ACAD11: variants seen among roughly 807,000 people sequenced by gnomAD.
The protein encoded by ACAD11 is acyl-CoA dehydrogenase family member 11, also known as acyl-Coenzyme A dehydrogenase family, member 11.
Under a neutral mutation model 102.2 loss-of-function variants are expected in ACAD11, and 83 were observed. That is an observed-to-expected ratio of 0.81 (90% CI 0.68 to 0.97). The LOEUF is 0.97. ACAD11 is among the 50% of genes least tolerant of loss of function. The pLI is 0.00. For missense variants in ACAD11, 901 were observed against 951.7 expected (o/e 0.95, Z 0.70); for synonymous variants, 324 against 319.8 (o/e 1.01, Z -0.14).
intron 15 of ACAD11, among the ~76,000 whole-genome samples, chr3:132,577,387 G>C (rs1417061480): frequency 6.6e-6 from 1 of 152,136 alleles, no homozygotes; most frequent in Admixed American, 6.5e-5. Context: ...ATGGAAAAAA[G>C]TTTCAATGTT....
intron 1 of ACAD11, chr3:132,654,599 T>A (rs1009492260): frequency 1.5e-4 from 23 of 152,246 alleles, no homozygotes; most frequent in African/African-American, 5.5e-4. Context: ...TCTCTGCCCA[T>A]GAGAACTCTG....
intron 11 of ACAD11, among the ~76,000 whole-genome samples, chr3:132,609,160 T>A (rs1938996742): frequency 2.0e-5 from 3 of 152,250 alleles, no homozygotes; most frequent in Non-Finnish European, 4.4e-5. Context: ...AGGGAAATTT[T>A]TAGCACTAAA....
intron 1 of ACAD11, among the ~76,000 whole-genome samples, chr3:132,654,129 A>T (rs561708857): frequency 6.6e-6 from 1 of 152,326 alleles, no homozygotes; most frequent in East Asian, 1.9e-4. Context: ...TCAGTTACCA[A>T]GGCAGAAATG....
intron 13 of ACAD11, among the ~76,000 whole-genome samples, chr3:132,599,996 A>T (rs1938496186): frequency 6.6e-6 from 1 of 152,192 alleles, no homozygotes; most frequent in South Asian, 2.1e-4. Context: ...ACGATTCACA[A>T]AATTATGTAT....
At chr3:132,586,234 C>T (rs1015567443) in intron 13 of ACAD11, among the ~76,000 whole-genome samples, 7 of 151,996 alleles carry the variant, frequency 4.6e-5, no homozygotes, top group Non-Finnish European at 8.8e-5. Flanking sequence ...AGCAAACTAT[C>T]GCAAGGACAA....
At position 132,642,612 on chromosome 3, in the gene ACAD11, A is replaced by G; in HGVS notation, c.375+65T>C. On this transcript the variant is annotated intron_variant, in intron 3 of 19. Coordinates refer to ENST00000264990, the MANE Select transcript of ACAD11 (RefSeq NM_032169.5). ...ATATCATTTATTAAGTATCATAATA[A>G]AACATCTTAATTAACTTCATAATTA... is the stretch of plus-strand genomic sequence containing the variant. 4 of 1,468,022 alleles carry G rather than the reference A, an allele frequency of 2.7e-6. No individual in the cohort carries two copies. The South Asian group carries it at 5.1e-5, about 19-fold the overall frequency. The allele number at this position is 1,468,022 out of a possible 1,614,324, so 90.9% of individuals were successfully genotyped here. A position where few individuals can be genotyped will look rare whatever the true frequency, so the allele number is the denominator to read the frequency against.
At chr3:132,611,461 A>C (rs1371165513) in intron 11 of ACAD11, among the ~76,000 whole-genome samples, 1 of 152,180 alleles carries the variant, frequency 6.6e-6, no homozygotes, top group African/African-American at 2.4e-5. Flanking sequence ...ACATGAGTAT[A>C]TATCTAGAAA....
chr3:132,592,737 T>G, intron 13 of ACAD11, among the ~76,000 whole-genome samples: 1 of 152,302 alleles, frequency 6.6e-6, no homozygotes, highest in Middle Eastern at 3.4e-3. Flanking sequence ...CTTCATTTGG[T>G]TTTAGCTTTA....
At chr3:132,627,728 T>C (rs570050571) in intron 8 of ACAD11, among the ~76,000 whole-genome samples, 2 of 152,290 alleles carry the variant, frequency 1.3e-5, no homozygotes, top group South Asian at 2.1e-4. Context: ...ACAGAATCAA[T>C]TGTTATGGTG....
At chr3:132,570,303 T>C (rs1279594449) in intron 17 of ACAD11, among the ~76,000 whole-genome samples, 1 of 152,104 alleles carries the variant, frequency 6.6e-6, no homozygotes, top group African/African-American at 2.4e-5. Flanking sequence ...TGTTGTGGGT[T>C]ACTGTTAAGC....
chr3:132,566,296 C>CAAAAAAAAAAAAAAAAAAAAAAAAAA (rs371477145), intron 17 of ACAD11, among the ~76,000 whole-genome samples: 3 of 61,890 alleles, frequency 4.8e-5, no homozygotes, highest in African/African-American at 1.4e-4. Flanking sequence ...AAAACAAACT[C>CAAAAAAAAAAAAAAAAAAAAAAAAAA]AAAAAAACAA....
chr3:132,628,478 T>A, intron 7 of ACAD11, 32 bp from the exon 8 acceptor site: 1 of 1,453,348 alleles, frequency 6.9e-7, no homozygotes, highest in Non-Finnish European at 9.5e-7. Flanking sequence ...TTAAAATTCA[T>A]TGAAAACCGT....
intron 13 of ACAD11, among the ~76,000 whole-genome samples, chr3:132,602,861 G>A (rs1045667813): frequency 2.6e-5 from 4 of 152,082 alleles, no homozygotes; most frequent in Non-Finnish European, 5.9e-5. Flanking sequence ...GAAGTACAGT[G>A]GTGCCATCTC....
In ACAD11 at chr3:132,656,853, T is replaced by G. The variant is rs867041642; in HGVS notation, c.149+2750A>C. ...GAAATGGTTTCTCATTGTGTTGTTT[T>G]TTTTTTTTTAATTTGCATTTCCCTT... On this transcript the variant is annotated intron_variant, in intron 1 of 19. Transcript: ENST00000264990. Among the ~76,000 whole-genome samples the G allele has an allele frequency of 6.8e-4, 104 of 152,068 alleles. 1 individual carries two copies. The highest frequency in any genetic ancestry group is 2.0e-3 in the African/African-American group (81 of 41,490).
intron 9 of ACAD11, among the ~76,000 whole-genome samples, chr3:132,622,283 T>G (rs1230970934): frequency 6.6e-6 from 1 of 152,154 alleles, no homozygotes; most frequent in Non-Finnish European, 1.5e-5. Flanking sequence ...AATGAAAACC[T>G]CAAGAAGGCA....
At chr3:132,657,753 T>C (rs1382807544) in intron 1 of ACAD11, among the ~76,000 whole-genome samples, 2 of 152,210 alleles carry the variant, frequency 1.3e-5, no homozygotes, top group Non-Finnish European at 2.9e-5. Flanking sequence ...TTTGATAGTC[T>C]TTTACTGTCT....
chr3:132,605,071 A>G, intron 12 of ACAD11, 27 bp downstream of exon 12: 1 of 1,540,208 alleles, frequency 6.5e-7, no homozygotes, highest in South Asian at 1.1e-5. Context: ...CTGACTACAC[A>G]AGGAGAGAAT....
rs1010790299 is a variant in ACAD11 at position 132,558,324 on chromosome 3, T to C, written c.*647A>G. ...CTTCAGCAATTCTCACAACAAACCC[T>C]CAGTGGGTCAGGGTCTTCTAAGATT... On this transcript the variant is annotated 3_prime_UTR_variant, in exon 20 of 20. Coordinates refer to ENST00000264990, the MANE Select transcript of ACAD11 (RefSeq NM_032169.5). The C allele has an allele frequency of 6.6e-6, 1 of 152,094 alleles. No individual in the cohort carries two copies. 9.4% of individuals were successfully genotyped at this position (152,094 alleles called of 1,614,324 possible).
intron 9 of ACAD11, chr3:132,621,160 A>C (rs866702245): frequency 6.8e-4 from 104 of 152,336 alleles, no homozygotes; most frequent in African/African-American, 2.3e-3. Context: ...CTGATAAGAC[A>C]GCAATCCTCA....
Sources: allele counts gnomAD v4.1 joint callset (sites outside exome capture counted in the v4.1 genomes callset), GRCh38; gene constraint gnomAD v4.1.1; transcripts MANE v1.5; gene names NCBI Gene and HGNC (gene_info 2026-07-23, HGNC 2026-07-21).